Variants in ROBO2 observed in about 807,000 individuals in gnomAD.
ROBO2 encodes roundabout guidance receptor 2, also known as roundabout homolog 2.
A neutral mutation model predicts 160.8 loss-of-function variants in ROBO2; 53 were observed. The observed-to-expected ratio is 0.33, with a 90% CI of 0.26 to 0.41. ROBO2 has a LOEUF of 0.41. Among genes scored for constraint, ROBO2 ranks in the 10% least tolerant of loss-of-function variants. The pLI is 1.00. For missense variants in ROBO2, 1,577 were observed against 1,722.4 expected (o/e 0.92, Z 1.49); for synonymous variants, 664 against 611.7 (o/e 1.09, Z -1.26).
chr3:76,313,397 C>T lies in ROBO2; in HGVS notation c.109+375795C>T, dbSNP rs538023174. 3.3e-5 allele frequency among the ~76,000 whole-genome samples: 5 copies of T among 152,216 alleles called. No individual in the cohort carries two copies. In the South Asian group the frequency reaches 6.2e-4, roughly 19 times the overall value. ...TTCTGTTCGTTTTTTTCTTGGCATGCTATGCAGTCTTTTAAAACACATTTT... is the reference window on the plus strand; with the variant it reads ...TTCTGTTCGTTTTTTTCTTGGCATGTTATGCAGTCTTTTAAAACACATTTT... On this transcript the variant is annotated intron_variant, in intron 2 of 26. Coordinates refer to the ROBO2 transcript ENST00000487694.
At chr3:76,408,136 C>A (rs191781262) in intron 2 of ROBO2, among the ~76,000 whole-genome samples, 1 of 152,064 alleles carries the variant, frequency 6.6e-6, no homozygotes, top group East Asian at 1.9e-4. Context: ...GTATAATATG[C>A]CTACCATCAA....
chr3:76,920,581 C>A (rs1458188569), intron 2 of ROBO2, among the ~76,000 whole-genome samples: 1 of 152,128 alleles, frequency 6.6e-6, no homozygotes, highest in Admixed American at 6.5e-5. Flanking sequence ...GATACTGCAC[C>A]AAGCCAATGC....
intron 2 of ROBO2, among the ~76,000 whole-genome samples, chr3:76,976,675 T>C (rs902970176): frequency 2.6e-5 from 4 of 152,222 alleles, no homozygotes; most frequent in Non-Finnish European, 1.5e-5. Context: ...CATTGTGCTT[T>C]ACTACCTTGC....
chr3:76,068,551 C>T (rs1439830451), intron 2 of ROBO2, among the ~76,000 whole-genome samples: 2 of 152,116 alleles, frequency 1.3e-5, no homozygotes, highest in Non-Finnish European at 2.9e-5. Context: ...CCAACTTTTC[C>T]CTTTCTTCTG....
chr3:76,992,361 AT>A (rs2060723476), intron 2 of ROBO2, among the ~76,000 whole-genome samples: 2 of 57,758 alleles, frequency 3.5e-5, no homozygotes, highest in East Asian at 1.8e-3. Context: ...ATATATATAT[AT>A]ATATATAAAT....
At chr3:76,974,984 A>T (rs2059743470) in intron 2 of ROBO2, among the ~76,000 whole-genome samples, 1 of 152,220 alleles carries the variant, frequency 6.6e-6, no homozygotes, top group African/African-American at 2.4e-5. Flanking sequence ...ATATGATAAT[A>T]ATAATACACT....
At chr3:77,514,222 T>C (rs1294508455) in intron 5 of ROBO2, among the ~76,000 whole-genome samples, 1 of 151,682 alleles carries the variant, frequency 6.6e-6, no homozygotes, top group Non-Finnish European at 1.5e-5. Flanking sequence ...ATTCTAGACT[T>C]CTTAAAGAAT....
intron 2 of ROBO2, among the ~76,000 whole-genome samples, chr3:77,409,992 A>C (rs2153520244): frequency 6.6e-6 from 1 of 152,342 alleles, no homozygotes; most frequent in Non-Finnish European, 1.5e-5. Flanking sequence ...TTATGTAATT[A>C]AATTTATATC....
chr3:76,604,877 T>C (rs919635097), intron 2 of ROBO2, among the ~76,000 whole-genome samples: 18 of 152,144 alleles, frequency 1.2e-4, no homozygotes, highest in Admixed American at 9.8e-4. Flanking sequence ...ACTTTATCTC[T>C]AGGAAAATTG....
At chr3:76,883,984 G>A (rs759231369) in intron 2 of ROBO2, among the ~76,000 whole-genome samples, 21 of 152,082 alleles carry the variant, frequency 1.4e-4, no homozygotes, top group South Asian at 2.1e-4. Context: ...GTTATATGTA[G>A]CATATTCACA....
At chr3:77,135,404 A>T (rs985467409) in intron 2 of ROBO2, among the ~76,000 whole-genome samples, 3 of 151,860 alleles carry the variant, frequency 2.0e-5, no homozygotes, top group Non-Finnish European at 4.4e-5. Flanking sequence ...TTTTAATTTA[A>T]TTAATTTTTT....
intron 7 of ROBO2, among the ~76,000 whole-genome samples, chr3:77,549,310 T>A (rs1216938438): frequency 1.3e-5 from 2 of 152,030 alleles, no homozygotes; most frequent in Non-Finnish European, 2.9e-5. Context: ...TGGCTAATTG[T>A]GGGAAAGTGT....
intron 2 of ROBO2, among the ~76,000 whole-genome samples, chr3:77,009,117 G>T (rs1182603518): frequency 6.6e-6 from 1 of 152,152 alleles, no homozygotes; most frequent in East Asian, 1.9e-4. Flanking sequence ...GATTAAATGA[G>T]ATAATCTGTT....
intron 2 of ROBO2, among the ~76,000 whole-genome samples, chr3:76,151,079 C>A (rs1043945328): frequency 6.6e-6 from 1 of 152,192 alleles, no homozygotes; most frequent in African/African-American, 2.4e-5. Flanking sequence ...TCCCCCTTTC[C>A]TCTGTGCAAT....
chr3:77,019,163 T>G (rs1047886455), intron 2 of ROBO2, among the ~76,000 whole-genome samples: 3 of 152,184 alleles, frequency 2.0e-5, no homozygotes, highest in African/African-American at 7.2e-5. Context: ...ATAAACTGGG[T>G]ATCTTATAGA....
At chr3:77,075,831 C>A (rs1331267780) in intron 1 of ROBO2, among the ~76,000 whole-genome samples, 1 of 151,640 alleles carries the variant, frequency 6.6e-6, no homozygotes, top group Admixed American at 6.6e-5. Context: ...GTGCCCACCA[C>A]CATGCCCGGC....
intron 2 of ROBO2, among the ~76,000 whole-genome samples, chr3:75,938,077 G>A (rs147797499): frequency 0.071 from 10,787 of 151,842 alleles, 468 homozygotes; most frequent in Non-Finnish European, 0.097. Flanking sequence ...CTTAAAGGAT[G>A]TGATGTTCTT....
At chr3:77,388,438 GA>G (rs1157867557) in intron 2 of ROBO2, among the ~76,000 whole-genome samples, 1 of 151,944 alleles carries the variant, frequency 6.6e-6, no homozygotes, top group Non-Finnish European at 1.5e-5. Context: ...ACAAACAAAT[GA>G]AAAACTATGT....
chr3:76,363,198 T>TAC (rs139112758), intron 2 of ROBO2, among the ~76,000 whole-genome samples: 10 of 151,538 alleles, frequency 6.6e-5, no homozygotes, highest in South Asian at 2.1e-4. Context: ...TAACAAAGTA[T>TAC]ACACACACAC....
Sources: gnomAD v4.1 joint callset for allele counts (sites outside exome capture counted in the v4.1 genomes callset) on GRCh38, gnomAD v4.1.1 for gene constraint, MANE v1.5 for transcripts, NCBI Gene and HGNC (gene_info 2026-07-23, HGNC 2026-07-21) for gene names.